LRRC4C: variants seen among roughly 807,000 people sequenced by gnomAD.
LRRC4C encodes leucine-rich repeat-containing protein 4C.
A neutral mutation model predicts 33.6 loss-of-function variants in LRRC4C; 5 were observed. That is an observed-to-expected ratio of 0.15 (90% CI 0.08 to 0.31). The LOEUF is 0.31. Among genes scored for constraint, LRRC4C ranks in the 10% least tolerant of loss-of-function variants. The probability of loss-of-function intolerance (pLI) is 1.00; values close to 1 mark genes in which losing one functional copy is unlikely to be tolerated. For missense variants in LRRC4C, 560 were observed against 796.7 expected, an observed-to-expected ratio of 0.70 and a Z score of 3.58; for synonymous variants, 329 against 302.0, an observed-to-expected ratio of 1.09 and a Z score of -0.93.
At chr11:41,363,803 T>G (rs1027518764) in intron 1 of LRRC4C, among the ~76,000 whole-genome samples, 2 of 152,134 alleles carry the variant, frequency 1.3e-5, no homozygotes, top group African/African-American at 2.4e-5. Context: ...CTATTTTACT[T>G]TGGCTGTACA....
chr11:40,548,500 A>T (rs549290639), intron 3 of LRRC4C, among the ~76,000 whole-genome samples: 1 of 152,226 alleles, frequency 6.6e-6, no homozygotes, highest in East Asian at 1.9e-4. Context: ...CTAGAAGGAA[A>T]CAACCATGGT....
intron 6 of LRRC4C, among the ~76,000 whole-genome samples, chr11:40,132,556 A>G (rs1856716382): frequency 6.6e-6 from 1 of 152,206 alleles, no homozygotes; most frequent in African/African-American, 2.4e-5. Context: ...TTTATTCCTC[A>G]AAGGAAAATG....
intron 3 of LRRC4C, among the ~76,000 whole-genome samples, chr11:40,407,972 CAGAT>C (rs1235346519): frequency 6.6e-6 from 1 of 151,938 alleles, no homozygotes; most frequent in African/African-American, 2.4e-5. Context: ...AGTATGTGTT[CAGAT>C]AGATTGCAGA....
At chr11:41,198,743 A>G (rs1307740350) in intron 1 of LRRC4C, among the ~76,000 whole-genome samples, 1 of 152,066 alleles carries the variant, frequency 6.6e-6, no homozygotes, top group African/African-American at 2.4e-5. Flanking sequence ...TATTGGTAAG[A>G]AGTGTGATTT....
chr11:40,763,832 C>A (rs1174287219), intron 2 of LRRC4C, among the ~76,000 whole-genome samples: 4 of 152,198 alleles, frequency 2.6e-5, no homozygotes, highest in African/African-American at 9.7e-5. Flanking sequence ...AGCCCAACCA[C>A]CATGGGCTAA....
At chr11:41,357,152 G>A (rs1952191566) in intron 1 of LRRC4C, among the ~76,000 whole-genome samples, 1 of 152,066 alleles carries the variant, frequency 6.6e-6, no homozygotes, top group Admixed American at 6.6e-5. Context: ...GAAGGAGAGA[G>A]AGAGAGAAAC....
intron 2 of LRRC4C, among the ~76,000 whole-genome samples, chr11:40,833,186 C>G (rs1205061247): frequency 6.6e-6 from 1 of 152,092 alleles, no homozygotes; most frequent in East Asian, 1.9e-4. Flanking sequence ...TTCCCAAACT[C>G]TGACTCAAAA....
chr11:40,311,275 C>T (rs1389237737), intron 4 of LRRC4C, among the ~76,000 whole-genome samples: 1 of 152,186 alleles, frequency 6.6e-6, no homozygotes, highest in African/African-American at 2.4e-5. Context: ...GCATCTGTTC[C>T]TCTTATCTCT....
At chr11:40,781,533 T>C (rs1950209756) in intron 2 of LRRC4C, among the ~76,000 whole-genome samples, 1 of 152,172 alleles carries the variant, frequency 6.6e-6, no homozygotes, top group Admixed American at 6.5e-5. Flanking sequence ...CCAAATACTA[T>C]GCCTCACCTT....
chr11:40,960,084 A>T (rs925040886), intron 1 of LRRC4C, among the ~76,000 whole-genome samples: 2 of 151,336 alleles, frequency 1.3e-5, no homozygotes, highest in African/African-American at 4.8e-5. Context: ...GATAAAAAGG[A>T]CATGAAAGGG....
chr11:41,116,422 T>C (rs1243983081), intron 1 of LRRC4C, among the ~76,000 whole-genome samples: 3 of 152,180 alleles, frequency 2.0e-5, no homozygotes, highest in African/African-American at 7.2e-5. Context: ...AATGTATTAG[T>C]CTATTTTAAA....
intron 2 of LRRC4C, among the ~76,000 whole-genome samples, chr11:40,869,538 G>C (rs1172155760): frequency 6.6e-6 from 1 of 152,106 alleles, no homozygotes; most frequent in Non-Finnish European, 1.5e-5. Flanking sequence ...GGGTGAGTGG[G>C]CTCAAGCACG....
At chr11:40,127,672 G>A (rs1332865890) in intron 6 of LRRC4C, among the ~76,000 whole-genome samples, 1 of 152,152 alleles carries the variant, frequency 6.6e-6, no homozygotes, top group Non-Finnish European at 1.5e-5. Context: ...GACGTCCCTA[G>A]TATTGCTTTA....
At chr11:40,338,875 G>A (rs1195595900) in intron 3 of LRRC4C, among the ~76,000 whole-genome samples, 1 of 152,174 alleles carries the variant, frequency 6.6e-6, no homozygotes, top group Non-Finnish European at 1.5e-5. Flanking sequence ...AGAGACTCCT[G>A]TTGTTAGAAA....
Position 40,748,394 on chromosome 11 carries a change from C to A in LRRC4C, c.-406-100116G>T, listed in dbSNP as rs1005058184. Among the ~76,000 whole-genome samples, 6 of 152,166 alleles carry A rather than the reference C, an allele frequency of 3.9e-5. No homozygotes were observed. The East Asian group carries it at 1.2e-3, about 29-fold the overall frequency. ...ATTCATCTCCACTAGACTAGCCCTA[C>A]AAGAAAGGCTCAAGGGAGTAAAAAA... On this transcript the variant is annotated intron_variant, in intron 2 of 6. Transcript: ENST00000528697.
chr11:40,318,425 G>T (rs538325380), intron 4 of LRRC4C, among the ~76,000 whole-genome samples: 2 of 152,184 alleles, frequency 1.3e-5, no homozygotes, highest in African/African-American at 4.8e-5. Context: ...TATGAAAGGA[G>T]CAGGGTTCAT....
intron 4 of LRRC4C, among the ~76,000 whole-genome samples, chr11:40,298,942 C>T (rs1224140333): frequency 6.6e-6 from 1 of 152,066 alleles, no homozygotes; most frequent in African/African-American, 2.4e-5. Context: ...GAGGTCCCTC[C>T]CCCAACACAT....
In LRRC4C at chr11:41,249,428, CA is replaced by C. The variant is rs1329770298; in HGVS notation, c.-496+210002del. 6.6e-5 allele frequency among the ~76,000 whole-genome samples: 10 copies of C among 152,218 alleles called. No homozygotes were observed. The East Asian group carries it at 1.9e-3, about 29-fold the overall frequency. ...TATTATTTGGCATGTAGATGTCAAT[CA>C]CTCTTCTAAAACTTGAGTCAGATCA... is the stretch of plus-strand genomic sequence containing the variant. On this transcript the variant is annotated intron_variant, in intron 1 of 6. Transcript: ENST00000528697.
intron 5 of LRRC4C, among the ~76,000 whole-genome samples, chr11:40,188,687 C>T (rs770463102): frequency 6.6e-6 from 1 of 151,934 alleles, no homozygotes; most frequent in South Asian, 2.1e-4. Context: ...CTACTAACTC[C>T]GAATAGGGGG....
Sources: allele counts gnomAD v4.1 joint callset (sites outside exome capture counted in the v4.1 genomes callset), GRCh38; gene constraint gnomAD v4.1.1; transcripts MANE v1.5; gene names NCBI Gene and HGNC (gene_info 2026-07-23, HGNC 2026-07-21).